ZNF697: variants seen among roughly 807,000 people sequenced by gnomAD.
ZNF697 encodes the protein zinc finger protein 697.
ZNF697 carries 23 observed loss-of-function variants against 32.4 expected under a neutral mutation model. The observed-to-expected ratio is 0.71, with a 90% CI of 0.51 to 1.01. ZNF697 has a LOEUF of 1.01. Among genes scored for constraint, ZNF697 ranks in the 50% least tolerant of loss-of-function variants. The pLI is 0.00. For synonymous variants in ZNF697, 418 were observed against 337.2 expected (o/e 1.24, Z -2.62); for missense variants, 930 against 794.0 (o/e 1.17, Z -2.06).
chr1:119,632,781 C>T (rs1648814543), intron 1 of ZNF697, among the ~76,000 whole-genome samples: 1 of 152,190 alleles, frequency 6.6e-6, no homozygotes, highest in Non-Finnish European at 1.5e-5. Context: ...AGACTATCTG[C>T]CCTCAGCTGA....
At chr1:119,639,418 G>A (rs952258780) in intron 1 of ZNF697, among the ~76,000 whole-genome samples, 4 of 152,042 alleles carry the variant, frequency 2.6e-5, no homozygotes, top group Non-Finnish European at 5.9e-5. Flanking sequence ...TGTAGCCTAA[G>A]GCTCTCTTAC....
rs1649272378 is a variant in ZNF697 at position 119,648,202 on chromosome 1, T to TTGGCTGGCTGGCTGGTTGGC, written c.-550_-549insGCCAACCAGCCAGCCAGCCA. Among the ~76,000 whole-genome samples, 1 of 150,298 alleles carries TTGGCTGGCTGGCTGGTTGGC rather than the reference T, an allele frequency of 6.7e-6. No individual in the cohort carries two copies. Among genetic ancestry groups the TTGGCTGGCTGGCTGGTTGGC allele is most frequent in the African/African-American group, 2.4e-5 (1 of 40,954 alleles). On this transcript the variant is annotated 5_prime_UTR_variant, in exon 1 of 3. Coordinates refer to ENST00000421812, the MANE Select transcript of ZNF697 (RefSeq NM_001080470.2). ...GCTGGGTGGCCCGCTGGCTGGCTGG[T>TTGGCTGGCTGGCTGGTTGGC]TGGCTGGCTGGCTGGCTGGCTGGCT...
intron 1 of ZNF697, among the ~76,000 whole-genome samples, chr1:119,641,554 C>A (rs1043657145): frequency 1.3e-5 from 2 of 152,072 alleles, no homozygotes; most frequent in Non-Finnish European, 2.9e-5. Context: ...ATGCAGATGG[C>A]AAATAGGCAC....
chr1:119,629,617 G>A (rs1223458793), intron 1 of ZNF697, among the ~76,000 whole-genome samples: 1 of 152,130 alleles, frequency 6.6e-6, no homozygotes, highest in African/African-American at 2.4e-5. Context: ...GTTGTTTCTC[G>A]AGCCACAAAA....
rs58387828 is a variant in ZNF697 at position 119,633,356 on chromosome 1, ATGTGTGTG to A, written c.-37-7227_-37-7220del. On this transcript the variant is annotated intron_variant, in intron 1 of 2. Coordinates refer to ENST00000421812, the MANE Select transcript of ZNF697 (RefSeq NM_001080470.2). Reference sequence around the variant, plus strand: ...GGGTCCTCCTAAGAGAACCAATAGGATGTGTGTGTGTGTGTGTGTGTGTGTGTGTGTGT... The same window carrying A: ...GGGTCCTCCTAAGAGAACCAATAGGATGTGTGTGTGTGTGTGTGTGTGTGT... Among the ~76,000 whole-genome samples the A allele has an allele frequency of 6.2e-3, 886 of 143,250 alleles. 2 individuals carry two copies. Among genetic ancestry groups the A allele is most frequent in the African/African-American group, 9.5e-3 (377 of 39,608 alleles). The allele number at this position is 143,250 out of a possible 152,430, so 94.0% of individuals were successfully genotyped here.
chr1:119,636,781 C>T (rs914817928), intron 1 of ZNF697, among the ~76,000 whole-genome samples: 2 of 152,218 alleles, frequency 1.3e-5, no homozygotes, highest in African/African-American at 4.8e-5. Flanking sequence ...CCCCTTGCTA[C>T]TCAATCCAAC....
In ZNF697 at chr1:119,623,865, G is replaced by T; in HGVS notation, c.478C>A (p.His160Asn). 6.5e-7 allele frequency: 1 copy of T among 1,541,784 alleles called. No homozygotes were observed. The highest frequency in any genetic ancestry group is 8.8e-7 in the Non-Finnish European group (1 of 1,141,082). ...TGGTGGAGCCGGTGGAAGCGGCGGTGGGCGGGCTTGTCACCTCGGTGCCGA... is the reference window on the plus strand; with the variant it reads ...TGGTGGAGCCGGTGGAAGCGGCGGTTGGCGGGCTTGTCACCTCGGTGCCGA... The part of the protein sequence containing the change: ...GSRHRGDKPA[H>N]RRFHRLHHPM... The change falls in exon 3 of 3, where the codon CAC becomes AAC. Residue 160 changes from histidine (H) to asparagine (N), a missense_variant. Physicochemically the swap from His to Asn is moderately conservative, Grantham distance 68. Transcript: ENST00000421812.
At chr1:119,634,511 A>C (rs1273243545) in intron 1 of ZNF697, among the ~76,000 whole-genome samples, 1 of 152,234 alleles carries the variant, frequency 6.6e-6, no homozygotes, top group Non-Finnish European at 1.5e-5. Context: ...TTAAGTGTTA[A>C]CTTCCACAGC....
intron 1 of ZNF697, among the ~76,000 whole-genome samples, chr1:119,646,245 A>G (rs1649198613): frequency 6.6e-6 from 1 of 151,804 alleles, no homozygotes; most frequent in Non-Finnish European, 1.5e-5. Flanking sequence ...CTTGTTCAAT[A>G]GGATGCCATC....
At chr1:119,646,514 G>A (rs1356510398) in intron 1 of ZNF697, among the ~76,000 whole-genome samples, 1 of 151,986 alleles carries the variant, frequency 6.6e-6, no homozygotes, top group Non-Finnish European at 1.5e-5. Context: ...TCCCAAAGAA[G>A]CTAAGGAAGA....
intron 1 of ZNF697, among the ~76,000 whole-genome samples, chr1:119,646,687 T>C (rs1174070856): frequency 1.3e-5 from 2 of 152,156 alleles, no homozygotes; most frequent in Middle Eastern, 3.2e-3. Context: ...CCACATTAAA[T>C]AATATCCACA....
chr1:119,642,844 T>C (rs899881105), intron 1 of ZNF697, among the ~76,000 whole-genome samples: 1 of 143,614 alleles, frequency 7.0e-6, no homozygotes, highest in Non-Finnish European at 1.5e-5. Context: ...CCTTCTATTA[T>C]CAGAAATCAT....
intron 1 of ZNF697, among the ~76,000 whole-genome samples, chr1:119,640,973 T>C (rs754578947): frequency 5.9e-5 from 9 of 152,262 alleles, no homozygotes; most frequent in African/African-American, 1.2e-4. Flanking sequence ...CTCACCTACA[T>C]AGAATCATCA....
rs769891891 is a variant in ZNF697, at chr1:119,623,848, C to T, written c.495G>A (p.Arg165=). ...GDKPAHRRFH[R]LHHPMAVDLG... The stretch of plus-strand genomic sequence containing the variant: ...GGTCCACGGCCATGGGGTGGTGGAG[C>T]CGGTGGAAGCGGCGGTGGGCGGGCT... Residue 165 remains arginine, a synonymous_variant, in exon 3 of 3, where the codon CGG becomes CGA. Transcript: ENST00000421812. 1 of 1,543,002 alleles carries T rather than the reference C, an allele frequency of 6.5e-7. No individual in the cohort carries two copies. The highest frequency in any genetic ancestry group is 2.0e-5 in the Admixed American group (1 of 51,212).
chr1:119,646,364 C>CACAT (rs1649204754), intron 1 of ZNF697, among the ~76,000 whole-genome samples: 1 of 149,978 alleles, frequency 6.7e-6, no homozygotes, highest in Non-Finnish European at 1.5e-5. Flanking sequence ...CACACACACA[C>CACAT]GGCCAATATG....
intron 1 of ZNF697, among the ~76,000 whole-genome samples, chr1:119,627,059 A>C (rs866964044): frequency 6.6e-5 from 10 of 152,244 alleles, no homozygotes; most frequent in African/African-American, 2.4e-4. Context: ...GCCCCCTGCC[A>C]AGACTGAGCA....
intron 1 of ZNF697, among the ~76,000 whole-genome samples, chr1:119,643,028 A>G (rs587657687): frequency 6.6e-6 from 1 of 152,370 alleles, no homozygotes; most frequent in South Asian, 2.1e-4. Flanking sequence ...AGCACATGAA[A>G]TAGCTCTGAG....
intron 1 of ZNF697, among the ~76,000 whole-genome samples, chr1:119,638,950 C>T (rs1266985173): frequency 1.3e-5 from 2 of 151,970 alleles, no homozygotes; most frequent in Non-Finnish European, 2.9e-5. Context: ...AGCTATTTCA[C>T]CTCTTCGAGT....
chr1:119,628,957 C>A (rs587656196), intron 1 of ZNF697, among the ~76,000 whole-genome samples: 1 of 152,304 alleles, frequency 6.6e-6, no homozygotes, highest in South Asian at 2.1e-4. Context: ...ACTTTGGGGG[C>A]TTTGCAGCTC....
Sources: allele counts gnomAD v4.1 joint callset (sites outside exome capture counted in the v4.1 genomes callset), GRCh38; gene constraint gnomAD v4.1.1; transcripts MANE v1.5; gene names NCBI Gene and HGNC (gene_info 2026-07-23, HGNC 2026-07-21).